Variants in TRAF1 observed in about 807,000 individuals in gnomAD.
TRAF1 encodes TNF receptor-associated factor 1.
A neutral mutation model predicts 40.9 loss-of-function variants in TRAF1; 23 were observed. That is an observed-to-expected ratio of 0.56 (90% CI 0.40 to 0.80). The LOEUF (loss-of-function observed/expected upper bound fraction) is 0.80, where lower values mean the gene tolerates loss of function less well. TRAF1 is among the 30% of genes least tolerant of loss of function. The probability of loss-of-function intolerance (pLI) is 0.00; values close to 1 mark genes in which losing one functional copy is unlikely to be tolerated. For missense variants in TRAF1, 477 were observed against 528.7 expected, an observed-to-expected ratio of 0.90 and a Z score of 0.96; for synonymous variants, 206 against 218.8, an observed-to-expected ratio of 0.94 and a Z score of 0.52.
At chr9:120,928,308 C>G (rs1439783776), upstream of TRAF1, 1 of 152,286 alleles carries the variant, frequency 6.6e-6, no homozygotes, top group Non-Finnish European at 1.5e-5. Flanking sequence ...CCTCACCTAA[C>G]GGTAGAACTT....
In TRAF1 at chr9:120,913,737, C is replaced by G. The variant is rs758112952; in HGVS notation, c.296G>C (p.Gly99Ala). ...ATGCTCTTGCACAGACTGTGGGCTT[C>G]CCTGACAAGAGAGTGGGGCTGATCA... ...PFAGVGCSFKGSPQSVQEHEV... is the reference protein window; with the variant it reads ...PFAGVGCSFKASPQSVQEHEV... Residue 99 changes from glycine (G) to alanine (A), a missense_variant and splice_region_variant, in exon 5 of 8, where the codon GGA becomes GCA. Physicochemically the swap from Gly to Ala is moderately conservative, Grantham distance 60. Coordinates refer to ENST00000373887, the MANE Select transcript of TRAF1 (RefSeq NM_005658.5). 5 of 1,560,922 alleles carry G rather than the reference C, an allele frequency of 3.2e-6. No homozygotes were observed. In the South Asian group the frequency reaches 5.9e-5, roughly 18 times the overall value.
chr9:120,904,875 C>A lies in TRAF1; in HGVS notation c.*145G>T. 1.2e-6 allele frequency: 1 copy of A among 846,828 alleles called. No homozygotes were observed. The highest frequency in any genetic ancestry group is 2.7e-5 in the East Asian group (1 of 37,504). The allele number at this position is 846,828 out of a possible 1,614,324, so 52.5% of individuals were successfully genotyped here. On this transcript the variant is annotated 3_prime_UTR_variant, in exon 8 of 8. Coordinates refer to ENST00000373887, the MANE Select transcript of TRAF1 (RefSeq NM_005658.5). The stretch of plus-strand genomic sequence containing the variant: ...TGCCATCCTAACCAGATGGCCAGCC[C>A]GAAGTCGACCCCTCAGTCTTGCTTG...
intron 7 of TRAF1, among the ~76,000 whole-genome samples, chr9:120,906,664 C>T (rs914002845): frequency 6.6e-6 from 1 of 152,114 alleles, no homozygotes; most frequent in African/African-American, 2.4e-5. Context: ...ATAATTATCA[C>T]CCAGAGTCCA....
Position 120,926,212 on chromosome 9 carries a change from T to C in TRAF1, c.-137A>G. ...ACTTTATCTTCTTCTCTCTGGCTTG[T>C]GTGGTTCAACGTCACAGCTGAGTCA... is the stretch of plus-strand genomic sequence containing the variant. On this transcript the variant is annotated 5_prime_UTR_variant, in exon 2 of 8. Coordinates refer to ENST00000373887, the MANE Select transcript of TRAF1 (RefSeq NM_005658.5). The C allele has an allele frequency of 9.9e-7, 1 of 1,013,156 alleles. No homozygotes were observed. Among genetic ancestry groups the C allele is most frequent in the South Asian group, 2.0e-5 (1 of 50,430 alleles). 62.8% of individuals were successfully genotyped at this position (1,013,156 alleles called of 1,614,324 possible).
At position 120,905,147 on chromosome 9, in the gene TRAF1, T is replaced by C; in HGVS notation, c.1124A>G (p.Gln375Arg). The stretch of plus-strand genomic sequence containing the variant: ...TCCACTGGCCACGTTGGTTTCACTC[T>C]GGGGCCTCTGGAAGGACGCTGAGCT... ...DLSSASFQRPQSETNVASGCP... is the reference protein window; with the variant it reads ...DLSSASFQRPRSETNVASGCP... Residue 375 changes from glutamine to arginine, a missense_variant, in exon 8 of 8, where the codon CAG becomes CGG. Coordinates refer to ENST00000373887, the MANE Select transcript of TRAF1 (RefSeq NM_005658.5). 6.2e-7 allele frequency: 1 copy of C among 1,614,238 alleles called. No homozygotes were observed. The highest frequency in any genetic ancestry group is 2.2e-5 in the East Asian group (1 of 44,886).
intron 3 of TRAF1, among the ~76,000 whole-genome samples, chr9:120,917,970 T>G (rs1409718735): frequency 6.6e-6 from 1 of 152,040 alleles, no homozygotes; most frequent in East Asian, 1.9e-4. Flanking sequence ...TAAAATGAGG[T>G]CATTGGGGGT....
chr9:120,904,588 G>C lies in TRAF1; in HGVS notation c.*432C>G, dbSNP rs546434615. On this transcript the variant is annotated 3_prime_UTR_variant, in exon 8 of 8. Coordinates refer to ENST00000373887, the MANE Select transcript of TRAF1 (RefSeq NM_005658.5). Reference sequence around the variant, plus strand: ...ATCCCTTCCACCCGGTCCTGTTTCTGACCCTGGAGAAAAAGAGAGCAGGCC... The same window carrying C: ...ATCCCTTCCACCCGGTCCTGTTTCTCACCCTGGAGAAAAAGAGAGCAGGCC... 12 of 188,212 alleles carry C rather than the reference G, an allele frequency of 6.4e-5. No individual in the cohort carries two copies. Among genetic ancestry groups the C allele is most frequent in the Non-Finnish European group, 1.3e-4 (12 of 89,376 alleles). The allele number at this position is 188,212 out of a possible 1,614,324, so 11.7% of individuals were successfully genotyped here.
At chr9:120,906,157 A>G (rs2046480158) in intron 7 of TRAF1, among the ~76,000 whole-genome samples, 1 of 147,058 alleles carries the variant, frequency 6.8e-6, no homozygotes, top group South Asian at 2.2e-4. Flanking sequence ...AAACCCCTCT[A>G]TAAGAATTAT....
intron 7 of TRAF1, among the ~76,000 whole-genome samples, chr9:120,905,826 T>C (rs1307268500): frequency 6.6e-6 from 1 of 152,226 alleles, no homozygotes; most frequent in African/African-American, 2.4e-5. Flanking sequence ...CACATGCCCC[T>C]GAAATGTCCA....
chr9:120,916,526 G>A (rs1354036841), intron 3 of TRAF1, among the ~76,000 whole-genome samples: 17 of 152,068 alleles, frequency 1.1e-4, no homozygotes, highest in African/African-American at 3.6e-4. Context: ...AGGGGATTTG[G>A]ACGAAAGCAG....
intron 3 of TRAF1, among the ~76,000 whole-genome samples, chr9:120,921,137 GGCTTCTT>G (rs1313302612): frequency 6.6e-6 from 1 of 152,126 alleles, no homozygotes; most frequent in Non-Finnish European, 1.5e-5. Flanking sequence ...CATTAAAGAA[GGCTTCTT>G]TGCTCCCAAA....
rs1243754269 is a variant in TRAF1, at chr9:120,909,395, A to G, written c.884-17T>C. ...TGTAGAAGGCTGAAACGCAGAAGCCAGAGGCAGTTGGGAAGTGCTGGACTT... is the reference window on the plus strand; with the variant it reads ...TGTAGAAGGCTGAAACGCAGAAGCCGGAGGCAGTTGGGAAGTGCTGGACTT... On this transcript the variant is annotated splice_polypyrimidine_tract_variant and intron_variant, in intron 6 of 7. Coordinates refer to ENST00000373887, the MANE Select transcript of TRAF1 (RefSeq NM_005658.5). The G allele has an allele frequency of 6.2e-7, 1 of 1,611,728 alleles. No homozygotes were observed. The highest frequency in any genetic ancestry group is 8.5e-7 in the Non-Finnish European group (1 of 1,179,732).
At chr9:120,916,054 C>CA in intron 3 of TRAF1, among the ~76,000 whole-genome samples, 1 of 152,234 alleles carries the variant, frequency 6.6e-6, no homozygotes, top group Non-Finnish European at 1.5e-5. Flanking sequence ...CAAAGCAACC[C>CA]AAATGTGTCA....
At chr9:120,925,665 A>C (rs534075737) in intron 2 of TRAF1, among the ~76,000 whole-genome samples, 144 of 152,346 alleles carry the variant, frequency 9.5e-4, no homozygotes, top group African/African-American at 3.4e-3. Context: ...GCACCAGACC[A>C]CACAGTGAGA....
Position 120,911,346 on chromosome 9 carries a change from G to A in TRAF1, c.873C>T (p.Leu291=). ...HESACGRTVS[L]FSPAFYTAKY... is the part of the protein sequence containing the mutation. Reference sequence around the variant, plus strand: ...CCTGGGAGGTGTTACCTGGGGAGAAGAGGCTGACGGTCCTGCCACAGGCCG... The same window carrying A: ...CCTGGGAGGTGTTACCTGGGGAGAAAAGGCTGACGGTCCTGCCACAGGCCG... The change falls in exon 6 of 8, where the codon CTC becomes CTT. Residue 291 remains leucine, a synonymous_variant. Transcript: ENST00000373887. 1 of 1,613,168 alleles carries A rather than the reference G, an allele frequency of 6.2e-7. No homozygotes were observed. The highest frequency in any genetic ancestry group is 8.5e-7 in the Non-Finnish European group (1 of 1,179,818).
chr9:120,925,283 C>T (rs1239059715), intron 2 of TRAF1, among the ~76,000 whole-genome samples: 1 of 152,242 alleles, frequency 6.6e-6, no homozygotes, highest in Admixed American at 6.5e-5. Context: ...ATCCACCCCT[C>T]TAAGTTGTGC....
At chr9:120,909,183 A>G in intron 7 of TRAF1, 47 bp downstream of exon 7, 1 of 1,593,758 alleles carries the variant, frequency 6.3e-7, no homozygotes, top group Non-Finnish European at 8.6e-7. Flanking sequence ...ACTAGGACTC[A>G]GGCTTCCATG....
intron 3 of TRAF1, among the ~76,000 whole-genome samples, chr9:120,920,101 C>T (rs756854106): frequency 6.6e-6 from 1 of 152,130 alleles, no homozygotes; most frequent in East Asian, 1.9e-4. Context: ...GGGGTTTATT[C>T]CCAGGTATCA....
At chr9:120,912,431 T>G (rs908365235) in intron 5 of TRAF1, among the ~76,000 whole-genome samples, 1 of 152,042 alleles carries the variant, frequency 6.6e-6, no homozygotes, top group Non-Finnish European at 1.5e-5. Flanking sequence ...CCGAGGCAGG[T>G]GGATCACGAG....
Sources: gnomAD v4.1 joint callset for allele counts (sites outside exome capture counted in the v4.1 genomes callset) on GRCh38, gnomAD v4.1.1 for gene constraint, MANE v1.5 for transcripts, NCBI Gene and HGNC (gene_info 2026-07-23, HGNC 2026-07-21) for gene names.